The following PPM1E variants were observed in gnomAD, a reference collection of about 807,000 sequenced individuals.
The protein encoded by PPM1E is protein phosphatase, Mg2+/Mn2+ dependent 1E.
In PPM1E, 20 loss-of-function variants were observed where a neutral mutation model predicts 65.9. The observed-to-expected ratio is 0.30, with a 90% CI of 0.21 to 0.44. The LOEUF (loss-of-function observed/expected upper bound fraction) is 0.44. Among genes scored for constraint, PPM1E ranks in the 20% least tolerant of loss-of-function variants. The pLI is 1.00. For missense variants in PPM1E, 713 were observed against 953.1 expected, an observed-to-expected ratio of 0.75 and a Z score of 3.32; for synonymous variants, 352 against 374.9, an observed-to-expected ratio of 0.94 and a Z score of 0.70.
intron 1 of PPM1E, among the ~76,000 whole-genome samples, chr17:58,912,896 A>T (rs1273118216): frequency 6.6e-6 from 1 of 152,184 alleles, no homozygotes; most frequent in African/African-American, 2.4e-5. Context: ...CCCAGAAAGG[A>T]CTGGGTTCAA....
At chr17:58,936,119 T>A (rs553057911) in intron 1 of PPM1E, among the ~76,000 whole-genome samples, 3 of 152,112 alleles carry the variant, frequency 2.0e-5, no homozygotes, top group Admixed American at 1.3e-4. Context: ...GAATCGGTGG[T>A]GTGTGGGCAT....
rs550198221 is a variant in PPM1E, at chr17:58,809,324, A to G, written c.464+52863A>G. ...GGCTGGTCTTGAACTCCTGGCCTCA[A>G]GCGATCCTCCCACCTTAGCCTCCCA... is the stretch of plus-strand genomic sequence containing the variant. On this transcript the variant is annotated intron_variant, in intron 1 of 6. Coordinates refer to ENST00000308249, the MANE Select transcript of PPM1E (RefSeq NM_014906.5). 5.9e-5 allele frequency among the ~76,000 whole-genome samples: 9 copies of G among 152,266 alleles called. No individual in the cohort carries two copies. In the East Asian group the frequency reaches 1.7e-3, roughly 29 times the overall value.
At chr17:58,891,415 C>G (rs919754134) in intron 1 of PPM1E, among the ~76,000 whole-genome samples, 1 of 152,120 alleles carries the variant, frequency 6.6e-6, no homozygotes, top group Non-Finnish European at 1.5e-5. Context: ...TTCCACCTCC[C>G]GGGTTCAAGC....
intron 1 of PPM1E, among the ~76,000 whole-genome samples, chr17:58,946,766 C>G (rs1366447250): frequency 6.6e-6 from 1 of 152,142 alleles, no homozygotes; most frequent in African/African-American, 2.4e-5. Flanking sequence ...TATTTTCTAC[C>G]AGTCTATGGG....
intron 1 of PPM1E, among the ~76,000 whole-genome samples, chr17:58,911,999 A>AT (rs916453846): frequency 2.0e-5 from 3 of 152,238 alleles, no homozygotes; most frequent in East Asian, 1.9e-4. Context: ...GGAGAGAAGG[A>AT]TTTTTTATCC....
intron 1 of PPM1E, among the ~76,000 whole-genome samples, chr17:58,822,284 G>C (rs2050487956): frequency 6.6e-6 from 1 of 151,812 alleles, no homozygotes; most frequent in South Asian, 2.1e-4. Flanking sequence ...GCAGCAGTGT[G>C]GGTTGTTTAC....
chr17:58,982,989 G>T lies in PPM1E; in HGVS notation c.*1958G>T. 3 of 1,349,194 alleles carry T rather than the reference G, an allele frequency of 2.2e-6. No individual in the cohort carries two copies. The highest frequency in any genetic ancestry group is 3.1e-6 in the Non-Finnish European group (3 of 982,174). The allele number at this position is 1,349,194 out of a possible 1,614,324, so 83.6% of individuals were successfully genotyped here. On this transcript the variant is annotated 3_prime_UTR_variant, in exon 7 of 7. Coordinates refer to ENST00000308249, the MANE Select transcript of PPM1E (RefSeq NM_014906.5). Reference sequence around the variant, plus strand: ...ATTATAGTCCAAAGTGCTTAGCGAAGTAAAAAAAAAAGCTTTTTAAAATTT... The same window carrying T: ...ATTATAGTCCAAAGTGCTTAGCGAATTAAAAAAAAAAGCTTTTTAAAATTT...
In PPM1E at chr17:58,755,912, C is replaced by T. The variant is rs2049753383; in HGVS notation, c.-86C>T. Reference sequence around the variant, plus strand: ...CGGTGCGGCCGTTAACCGCCCTTGCCGGAGCCCTAGGCTCAAAAGCAGCCC... The same window carrying T: ...CGGTGCGGCCGTTAACCGCCCTTGCTGGAGCCCTAGGCTCAAAAGCAGCCC... On this transcript the variant is annotated 5_prime_UTR_variant, in exon 1 of 7. Transcript: ENST00000308249. 1.3e-6 allele frequency: 2 copies of T among 1,568,862 alleles called. No homozygotes were observed. Among genetic ancestry groups the T allele is most frequent in the Non-Finnish European group, 8.6e-7 (1 of 1,158,114 alleles).
intron 3 of PPM1E, among the ~76,000 whole-genome samples, chr17:58,969,262 T>C (rs2030445783): frequency 6.6e-6 from 1 of 152,172 alleles, no homozygotes; most frequent in South Asian, 2.1e-4. Context: ...GTTTCCATGG[T>C]ACAAGACAAC....
At chr17:58,839,304 A>G (rs2050693888) in intron 1 of PPM1E, among the ~76,000 whole-genome samples, 1 of 152,094 alleles carries the variant, frequency 6.6e-6, no homozygotes, top group Non-Finnish European at 1.5e-5. Flanking sequence ...GTCCAGCAAC[A>G]TGGCAAGACC....
chr17:58,882,473 G>A (rs988550840), intron 1 of PPM1E, among the ~76,000 whole-genome samples: 4 of 151,482 alleles, frequency 2.6e-5, no homozygotes, highest in Non-Finnish European at 5.9e-5. Context: ...TCACTGCAAC[G>A]TCTGCTTCCT....
At chr17:58,871,742 G>A (rs371445935) in intron 1 of PPM1E, among the ~76,000 whole-genome samples, 5 of 151,610 alleles carry the variant, frequency 3.3e-5, no homozygotes, top group East Asian at 1.9e-4. Flanking sequence ...TTTGGACCTC[G>A]GAAGTTGAGG....
At chr17:58,793,327 A>T (rs1227590494) in intron 1 of PPM1E, among the ~76,000 whole-genome samples, 1 of 152,086 alleles carries the variant, frequency 6.6e-6, no homozygotes, top group African/African-American at 2.4e-5. Flanking sequence ...TAAAGTAATT[A>T]TTAATGCCTT....
At chr17:58,830,417 C>G (rs2143174079) in intron 1 of PPM1E, among the ~76,000 whole-genome samples, 1 of 151,924 alleles carries the variant, frequency 6.6e-6, no homozygotes, top group East Asian at 1.9e-4. Context: ...ACGCCATTCT[C>G]CTGCCTCAGC....
At chr17:58,805,949 TAA>T (rs1163979989) in intron 1 of PPM1E, among the ~76,000 whole-genome samples, 2 of 21,680 alleles carry the variant, frequency 9.2e-5, no homozygotes, top group East Asian at 1.0e-3. Context: ...GCTGTTCTGC[TAA>T]AAAAAAAAAC....
At chr17:58,802,056 C>T (rs1403672808) in intron 1 of PPM1E, among the ~76,000 whole-genome samples, 1 of 152,004 alleles carries the variant, frequency 6.6e-6, no homozygotes, top group East Asian at 1.9e-4. Context: ...TCATGCTTGG[C>T]CTCCCCTTCA....
chr17:58,865,500 C>T (rs1359885212), intron 1 of PPM1E, among the ~76,000 whole-genome samples: 1 of 152,138 alleles, frequency 6.6e-6, no homozygotes, highest in African/African-American at 2.4e-5. Flanking sequence ...CATTTGAGCC[C>T]AGAGTTTCAG....
intron 1 of PPM1E, among the ~76,000 whole-genome samples, chr17:58,896,348 G>T (rs1472793621): frequency 6.6e-6 from 1 of 152,106 alleles, no homozygotes; most frequent in Admixed American, 6.6e-5. Flanking sequence ...ACTTTGGGAG[G>T]CTGAGGTGGG....
chr17:58,867,397 C>A (rs1189081154), intron 1 of PPM1E, among the ~76,000 whole-genome samples: 1 of 152,172 alleles, frequency 6.6e-6, no homozygotes, highest in East Asian at 1.9e-4. Context: ...TAACCTCTAC[C>A]ATTAGATTTT....
Sources: allele counts gnomAD v4.1 joint callset (sites outside exome capture counted in the v4.1 genomes callset), GRCh38; gene constraint gnomAD v4.1.1; transcripts MANE v1.5; gene names NCBI Gene and HGNC (gene_info 2026-07-23, HGNC 2026-07-21).